Variants in FGGY observed in about 807,000 individuals in gnomAD.
FGGY encodes FGGY carbohydrate kinase domain containing.
FGGY carries 72 observed loss-of-function variants against 71.3 expected under a neutral mutation model. The ratio of observed to expected loss-of-function variants is 1.01; its 90% CI spans 0.84 to 1.23. The LOEUF (loss-of-function observed/expected upper bound fraction) is 1.23. FGGY is among the 50% of genes most tolerant of loss of function. FGGY has a pLI of 0.00. For synonymous variants in FGGY, 251 were observed against 250.3 expected (o/e 1.00, Z -0.02); for missense variants, 668 against 682.3 (o/e 0.98, Z 0.23).
At chr1:59,398,591 G>T (rs975452370) in intron 5 of FGGY, among the ~76,000 whole-genome samples, 2 of 152,144 alleles carry the variant, frequency 1.3e-5, no homozygotes, top group African/African-American at 4.8e-5. Flanking sequence ...ATGGGAAAAT[G>T]GGATATGTTG....
intron 6 of FGGY, among the ~76,000 whole-genome samples, chr1:59,493,846 T>C (rs2093954515): frequency 6.6e-6 from 1 of 152,168 alleles, no homozygotes; most frequent in Non-Finnish European, 1.5e-5. Context: ...CAATGAAAAA[T>C]AATTCCACTT....
At position 59,669,341 on chromosome 1, in the gene FGGY, C is replaced by T. The variant is rs547068759; in HGVS notation, c.1417+1938C>T. On this transcript the variant is annotated intron_variant, in intron 13 of 15. Transcript: ENST00000303721. ...CAAGTTTGTAACCAGTTGATGATGA[C>T]GCCACTTTCCTGAGATGTCCAAAAC... 3.1e-4 allele frequency among the ~76,000 whole-genome samples: 47 copies of T among 152,176 alleles called. No individual in the cohort carries two copies. The South Asian group carries it at 8.3e-3, about 27-fold the overall frequency.
chr1:59,370,286 A>G (rs2057367016), intron 4 of FGGY, among the ~76,000 whole-genome samples: 1 of 152,246 alleles, frequency 6.6e-6, no homozygotes, highest in Non-Finnish European at 1.5e-5. Context: ...TCAGGAGACG[A>G]TGCGATCACC....
intron 4 of FGGY, among the ~76,000 whole-genome samples, chr1:59,349,629 A>G (rs1429200712): frequency 6.6e-6 from 1 of 152,214 alleles, no homozygotes; most frequent in Non-Finnish European, 1.5e-5. Context: ...ATTTTAAAAA[A>G]TCAATTTTCT....
intron 6 of FGGY, among the ~76,000 whole-genome samples, chr1:59,490,388 G>A (rs139589961): frequency 1.6e-4 from 24 of 152,136 alleles, no homozygotes; most frequent in African/African-American, 5.8e-4. Flanking sequence ...TGTACCAATG[G>A]TTGAATTCTC....
intron 5 of FGGY, among the ~76,000 whole-genome samples, chr1:59,432,306 G>C (rs1461883838): frequency 6.6e-6 from 1 of 152,134 alleles, no homozygotes; most frequent in Non-Finnish European, 1.5e-5. Context: ...GTTTCCCTGA[G>C]TTTTGTGAGC....
intron 7 of FGGY, among the ~76,000 whole-genome samples, chr1:59,524,794 A>G (rs1429171108): frequency 6.6e-6 from 1 of 152,134 alleles, no homozygotes; most frequent in African/African-American, 2.4e-5. Context: ...GCTTCTCTCC[A>G]CCTTGCTCAC....
intron 8 of FGGY, among the ~76,000 whole-genome samples, chr1:59,600,999 T>G (rs2096572004): frequency 6.6e-6 from 1 of 150,976 alleles, no homozygotes; most frequent in Non-Finnish European, 1.5e-5. Context: ...TTTTTTTTTT[T>G]TGTACCATGT....
intron 6 of FGGY, among the ~76,000 whole-genome samples, chr1:59,510,482 C>T (rs2094493586): frequency 6.6e-6 from 1 of 152,188 alleles, no homozygotes; most frequent in Admixed American, 6.5e-5. Context: ...AAGGACACTG[C>T]TCTCTTCCAG....
chr1:59,584,967 G>A (rs1350977071), intron 8 of FGGY, among the ~76,000 whole-genome samples: 5 of 152,002 alleles, frequency 3.3e-5, no homozygotes, highest in African/African-American at 7.3e-5. Context: ...TACAAGGGAC[G>A]TGAAGGACCT....
rs189094104 is a variant in FGGY at position 59,498,737 on chromosome 1, C to T, written c.671-13574C>T. Among the ~76,000 whole-genome samples the T allele has an allele frequency of 1.8e-3, 275 of 152,288 alleles. 3 individuals carry two copies. The South Asian group carries it at 0.025, about 14-fold the overall frequency. ...TCCCCCTCCCCCACCAACTGGGTGA[C>T]GTAGATAGAACTTTAAGTGTCATTA... On this transcript the variant is annotated intron_variant, in intron 6 of 15. Transcript: ENST00000303721.
intron 10 of FGGY, among the ~76,000 whole-genome samples, chr1:59,631,009 A>G (rs986568790): frequency 6.6e-6 from 1 of 152,150 alleles, no homozygotes; most frequent in Non-Finnish European, 1.5e-5. Context: ...GAAACGTTTC[A>G]TATTAAGGTT....
In FGGY at chr1:59,449,783, T is replaced by C. The variant is rs9988513; in HGVS notation, c.555-7178T>C. On this transcript the variant is annotated intron_variant, in intron 5 of 15. Coordinates refer to ENST00000303721, the MANE Select transcript of FGGY (RefSeq NM_018291.5). ...ATGGAGACCAGCCTCAGCAACATAG[T>C]GAGACCCCCATCTCTAAAAAATAAA... is the stretch of plus-strand genomic sequence containing the variant. Among the ~76,000 whole-genome samples the C allele has an allele frequency of 5.7e-3, 866 of 152,144 alleles. 8 individuals are homozygous for C. Among genetic ancestry groups the C allele is most frequent in the African/African-American group, 0.02 (837 of 41,496 alleles).
chr1:59,535,865 C>A (rs554955260), intron 7 of FGGY, among the ~76,000 whole-genome samples: 1 of 146,834 alleles, frequency 6.8e-6, no homozygotes, highest in South Asian at 2.3e-4. Flanking sequence ...CACTAAATGC[C>A]CACAAGAGAA....
At chr1:59,633,839 A>T (rs181585698) in intron 10 of FGGY, among the ~76,000 whole-genome samples, 95 of 152,278 alleles carry the variant, frequency 6.2e-4, no homozygotes, top group African/African-American at 2.2e-3. Context: ...GAGGAGATAA[A>T]GAGTAAGAAA....
At chr1:59,629,951 G>A (rs1385447211) in intron 10 of FGGY, among the ~76,000 whole-genome samples, 1 of 152,164 alleles carries the variant, frequency 6.6e-6, no homozygotes, top group African/African-American at 2.4e-5. Flanking sequence ...TTGCACTGCT[G>A]TGAAGAAATA....
chr1:59,492,320 A>T (rs1165473593), intron 6 of FGGY, among the ~76,000 whole-genome samples: 1 of 152,094 alleles, frequency 6.6e-6, no homozygotes, highest in Non-Finnish European at 1.5e-5. Context: ...TGTCTGTTTC[A>T]TGCTTGAGAA....
At chr1:59,446,668 A>G (rs1043629294) in intron 5 of FGGY, among the ~76,000 whole-genome samples, 2 of 152,210 alleles carry the variant, frequency 1.3e-5, no homozygotes, top group African/African-American at 4.8e-5. Flanking sequence ...TTGGAAAAAC[A>G]GAGCCATCAG....
At chr1:59,402,536 ATATAAT>A (rs2062108547) in intron 5 of FGGY, among the ~76,000 whole-genome samples, 1 of 152,204 alleles carries the variant, frequency 6.6e-6, no homozygotes, top group Admixed American at 6.5e-5. Context: ...GGATTAATTA[ATATAAT>A]TATATGTTTT....
Sources: gnomAD v4.1 joint callset for allele counts (sites outside exome capture counted in the v4.1 genomes callset) on GRCh38, gnomAD v4.1.1 for gene constraint, MANE v1.5 for transcripts, NCBI Gene and HGNC (gene_info 2026-07-23, HGNC 2026-07-21) for gene names.